CRYZL1: variants seen among roughly 807,000 people sequenced by gnomAD.
CRYZL1 encodes crystallin zeta like 1, also known as ferry endosomal RAB5 effector complex subunit 4.
A neutral mutation model predicts 50.6 loss-of-function variants in CRYZL1; 34 were observed. That is an observed-to-expected ratio of 0.67 (90% confidence interval 0.51 to 0.89). The LOEUF is 0.89. CRYZL1 is among the 40% of genes least tolerant of loss of function. CRYZL1 has a pLI of 0.00. For synonymous variants in CRYZL1, 125 were observed against 134.3 expected, an observed-to-expected ratio of 0.93 and a Z score of 0.48; for missense variants, 354 against 402.3, an observed-to-expected ratio of 0.88 and a Z score of 1.03.
At chr21:33,602,452 A>G (rs769941599) in intron 7 of CRYZL1, 107 bp from the exon 8 acceptor site, 18 of 473,654 alleles carry the variant, frequency 3.8e-5, no homozygotes, top group Non-Finnish European at 5.6e-5. Flanking sequence ...GTGTTACTTT[A>G]GTATATTTTA....
intron 8 of CRYZL1, among the ~76,000 whole-genome samples, chr21:33,601,980 T>C (rs1227800091): frequency 6.6e-6 from 1 of 151,216 alleles, no homozygotes; most frequent in East Asian, 1.9e-4. Context: ...CTGACTTTCA[T>C]TTGGGATTTT....
chr21:33,601,006 G>A (rs1431070681), intron 8 of CRYZL1, among the ~76,000 whole-genome samples: 1 of 135,958 alleles, frequency 7.4e-6, no homozygotes, highest in African/African-American at 2.8e-5. Flanking sequence ...ACACGATCTC[G>A]GCTCACTGCA....
chr21:33,619,800 T>A (rs2086973878), intron 4 of CRYZL1, among the ~76,000 whole-genome samples: 1 of 152,230 alleles, frequency 6.6e-6, no homozygotes, highest in Admixed American at 6.5e-5. Flanking sequence ...GTAATTCTTA[T>A]ACACATCCCA....
chr21:33,618,390 A>C (rs1368952430), intron 4 of CRYZL1, among the ~76,000 whole-genome samples: 1 of 152,154 alleles, frequency 6.6e-6, no homozygotes, highest in Non-Finnish European at 1.5e-5. Context: ...AGTTTCATTC[A>C]ATGAGTTACA....
At chr21:33,636,101 T>C (rs1049551809) in intron 1 of CRYZL1, among the ~76,000 whole-genome samples, 2 of 152,188 alleles carry the variant, frequency 1.3e-5, no homozygotes, top group Non-Finnish European at 2.9e-5. Context: ...AAAAGTATGA[T>C]ATAAAACTTT....
In CRYZL1 at chr21:33,616,710, T is replaced by G; in HGVS notation, c.258A>C (p.Val86=). The G allele has an allele frequency of 6.2e-7, 1 of 1,609,584 alleles. No individual in the cohort carries two copies. Among genetic ancestry groups the G allele is most frequent in the South Asian group, 1.1e-5 (1 of 89,980 alleles). ...KVSFFQPDDE[V]VGILPLDSED... is the part of the protein sequence containing the mutation. ...AGACTATGAACTATAACTTACCAAC[T>G]ACTTCATCATCTGGTTGAAAGAATG... Residue 86 remains valine (V), a synonymous_variant, in exon 5 of 13, where the codon GTA becomes GTC. Coordinates refer to ENST00000381554, the MANE Select transcript of CRYZL1 (RefSeq NM_145858.3).
chr21:33,632,042 G>A (rs1348913593), intron 1 of CRYZL1, among the ~76,000 whole-genome samples: 3 of 151,818 alleles, frequency 2.0e-5, no homozygotes, highest in Non-Finnish European at 4.4e-5. Context: ...TAAACTTATA[G>A]CCGGGCACAG....
At chr21:33,608,223 G>C (rs1210257972) in intron 6 of CRYZL1, among the ~76,000 whole-genome samples, 1 of 152,204 alleles carries the variant, frequency 6.6e-6, no homozygotes, top group East Asian at 1.9e-4. Flanking sequence ...GGGAGGCCGA[G>C]GTGGGCAGGT....
intron 6 of CRYZL1, among the ~76,000 whole-genome samples, chr21:33,605,527 A>ATTTTTTTTTTTTTTTTTTTTTTTTTTTTT (rs1555904645): frequency 6.1e-4 from 9 of 14,836 alleles, no homozygotes; most frequent in Non-Finnish European, 7.7e-4. Flanking sequence ...CAGTACAAGA[A>ATTTTTTTTTTTTTTTTTTTTTTTTTTTTT]TTCTTTTTTT....
chr21:33,605,792 G>A (rs932822690), intron 6 of CRYZL1, among the ~76,000 whole-genome samples: 5 of 151,852 alleles, frequency 3.3e-5, no homozygotes, highest in Non-Finnish European at 4.4e-5. Flanking sequence ...CCAAAGTGCC[G>A]GGATTACAGG....
intron 4 of CRYZL1, among the ~76,000 whole-genome samples, chr21:33,618,834 A>T (rs1366567822): frequency 1.3e-5 from 2 of 150,450 alleles, no homozygotes; most frequent in Non-Finnish European, 3.0e-5. Flanking sequence ...TTTCTTTCAT[A>T]CTCCTCTTCT....
At chr21:33,610,920 C>G (rs1019266763) in intron 6 of CRYZL1, among the ~76,000 whole-genome samples, 5 of 151,746 alleles carry the variant, frequency 3.3e-5, no homozygotes, top group South Asian at 4.2e-4. Flanking sequence ...TTAGTAGAGA[C>G]GGGTTTCACC....
In CRYZL1 at chr21:33,594,238, T is replaced by A. The variant is rs143049735; in HGVS notation, c.904+1493A>T. 9.4e-4 allele frequency among the ~76,000 whole-genome samples: 142 copies of A among 151,392 alleles called. No homozygotes were observed. In the East Asian group the frequency reaches 0.022, roughly 24 times the overall value. ...GCGCGATCTCAGCTCACTGCAACCTTCACTGCCTGGGTTCAAGCAATTCCC... is the reference window on the plus strand; with the variant it reads ...GCGCGATCTCAGCTCACTGCAACCTACACTGCCTGGGTTCAAGCAATTCCC... On this transcript the variant is annotated intron_variant, in intron 11 of 12. Coordinates refer to ENST00000381554, the MANE Select transcript of CRYZL1 (RefSeq NM_145858.3).
intron 2 of CRYZL1, among the ~76,000 whole-genome samples, chr21:33,629,709 C>T (rs546181170): frequency 6.6e-6 from 1 of 152,178 alleles, no homozygotes; most frequent in East Asian, 1.9e-4. Context: ...CTTTCCAATT[C>T]GAATGCTCTT....
At chr21:33,625,071 T>A (rs1482990394) in intron 2 of CRYZL1, among the ~76,000 whole-genome samples, 3 of 152,040 alleles carry the variant, frequency 2.0e-5, no homozygotes, top group Non-Finnish European at 4.4e-5. Context: ...CTCCTTTATT[T>A]CAACCTAAAT....
At chr21:33,620,482 A>C (rs2086982034) in intron 4 of CRYZL1, among the ~76,000 whole-genome samples, 1 of 151,978 alleles carries the variant, frequency 6.6e-6, no homozygotes, top group Non-Finnish European at 1.5e-5. Flanking sequence ...TTCACTTATA[A>C]AATACCAATT....
chr21:33,611,666 G>A (rs766311720), intron 6 of CRYZL1, among the ~76,000 whole-genome samples: 4 of 152,124 alleles, frequency 2.6e-5, no homozygotes, highest in Non-Finnish European at 5.9e-5. Flanking sequence ...ATAAGAGAAG[G>A]TATTTGCTAC....
At chr21:33,616,859 G>A in intron 4 of CRYZL1, 109 bp from the exon 5 acceptor site, 3 of 1,028,706 alleles carry the variant, frequency 2.9e-6, no homozygotes, top group Non-Finnish European at 4.1e-6. Context: ...GACTGATTTT[G>A]TTTAATGTGG....
At chr21:33,591,352 GTAGGACGTCAAGTT>G (rs1427476964) in intron 11 of CRYZL1, 145 bp from the exon 12 acceptor site, 1 of 677,990 alleles carries the variant, frequency 1.5e-6, no homozygotes, top group Non-Finnish European at 2.6e-6. Context: ...GAGAAATTCT[GTAGGACGTCAAGTT>G]TAGCTCTACA....
Sources: gnomAD v4.1 joint callset for allele counts (sites outside exome capture counted in the v4.1 genomes callset) on GRCh38, gnomAD v4.1.1 for gene constraint, MANE v1.5 for transcripts, NCBI Gene and HGNC (gene_info 2026-07-23, HGNC 2026-07-21) for gene names.